The following ADAT1 variants were observed in gnomAD, a reference collection of about 807,000 sequenced individuals.
ADAT1 encodes adenosine deaminase tRNA specific 1.
ADAT1 carries 58 observed loss-of-function variants against 58.6 expected under a neutral mutation model. The ratio of observed to expected loss-of-function variants is 0.99; its 90% CI spans 0.80 to 1.23. The LOEUF is 1.23. Ranked by LOEUF, ADAT1 falls within the 50% of genes most tolerant of loss-of-function variation. ADAT1 has a pLI of 0.00. For synonymous variants in ADAT1, 254 were observed against 220.8 expected (o/e 1.15, Z -1.33); for missense variants, 741 against 608.6 (o/e 1.22, Z -2.29).
In ADAT1 at chr16:75,599,691, G is replaced by A. The variant is rs999077307; in HGVS notation, c.*525C>T. The A allele has an allele frequency of 2.4e-5, 24 of 987,250 alleles. No individual in the cohort carries two copies. Among genetic ancestry groups the A allele is most frequent in the Non-Finnish European group, 2.6e-5 (22 of 831,072 alleles). 61.2% of individuals were successfully genotyped at this position (987,250 alleles called of 1,614,324 possible). ...AGGGCAGTCCAGGGCTGGCTCACAG[G>A]CTATTCCTAGAGCCAGGGAGTAAGG... On this transcript the variant is annotated 3_prime_UTR_variant, in exon 10 of 10. Coordinates refer to ENST00000564657, the MANE Select transcript of ADAT1 (RefSeq NM_001324445.2).
Position 75,597,105 on chromosome 16 carries a change from T to A in ADAT1, c.*3111A>T, listed in dbSNP as rs1247585862. ...AAGTGACTGCTAATGGGTTCTGCAA[T>A]GGGTTGAGTGGTGTCCCCCAAAACT... On this transcript the variant is annotated 3_prime_UTR_variant, in exon 10 of 10. Coordinates refer to ENST00000564657, the MANE Select transcript of ADAT1 (RefSeq NM_001324445.2). The A allele has an allele frequency of 5.7e-6, 1 of 176,304 alleles. No individual in the cohort carries two copies. Among genetic ancestry groups the A allele is most frequent in the African/African-American group, 2.4e-5 (1 of 42,102 alleles). 10.9% of individuals were successfully genotyped at this position (176,304 alleles called of 1,614,324 possible).
rs2081823693 is a variant in ADAT1 at position 75,618,592 on chromosome 16, A to C, written c.287T>G (p.Phe96Cys). The C allele has an allele frequency of 1.2e-6, 2 of 1,604,656 alleles. No homozygotes were observed. Residue 96 changes from phenylalanine (F) to cysteine (C), a missense_variant, in exon 4 of 10, where the codon TTC (phenylalanine) becomes TGC (cysteine). By Grantham distance (205) the Phe-to-Cys change is radical. Coordinates refer to ENST00000564657, the MANE Select transcript of ADAT1 (RefSeq NM_001324445.2). The part of the protein sequence containing the change: ...SHAEVIARRS[F>C]QRYLLHQLQL... The stretch of plus-strand genomic sequence containing the variant: ...TCTGGAGATGTGGCTTTACCTTTGG[A>C]AACTCCTTCTGGCTATGACCTCAGC...
At position 75,620,611 on chromosome 16, in the gene ADAT1, C is replaced by G; in HGVS notation, c.169+20G>C. The G allele has an allele frequency of 6.2e-7, 1 of 1,610,780 alleles. No homozygotes were observed. Among genetic ancestry groups the G allele is most frequent in the Non-Finnish European group, 8.5e-7 (1 of 1,178,868 alleles). ...ACCATCTCTCACAGTGAGGAGCATG[C>G]CAAGAAGAAAAAGTCTCACCTTGCA... On this transcript the variant is annotated intron_variant, in intron 2 of 9. Transcript: ENST00000564657.
At position 75,600,351 on chromosome 16, in the gene ADAT1, A is replaced by G. The variant is rs2081193400; in HGVS notation, c.1377-3T>C. ...GGTAGGTATCCAGCTTCTGCACCCT[A>G]ATGCACACAGGCCACCAAATACACA... On this transcript the variant is annotated splice_region_variant and splice_polypyrimidine_tract_variant and intron_variant, in intron 9 of 9. Transcript: ENST00000564657. The G allele has an allele frequency of 6.2e-7, 1 of 1,613,244 alleles. No homozygotes were observed. The highest frequency in any genetic ancestry group is 8.5e-7 in the Non-Finnish European group (1 of 1,179,938).
At position 75,612,804 on chromosome 16, in the gene ADAT1, A is replaced by G; in HGVS notation, c.482T>C (p.Val161Ala). ...TGAGTTGTGGGCCCAATTTCTGAAG[A>G]CAGGACAGCAAGGCTGATCTTCAAA... ...LEFEDQPCCPVFRNWAHNSSV... is the reference protein window; with the variant it reads ...LEFEDQPCCPAFRNWAHNSSV... Residue 161 changes from valine to alanine, a missense_variant, in exon 6 of 10, where the codon GTC becomes GCC. Val to Ala is a moderately conservative substitution (Grantham distance 64). Transcript: ENST00000564657. 6.2e-7 allele frequency: 1 copy of G among 1,614,088 alleles called. No individual in the cohort carries two copies. The highest frequency in any genetic ancestry group is 8.5e-7 in the Non-Finnish European group (1 of 1,180,032).
Position 75,620,805 on chromosome 16 carries a change from G to C in ADAT1, c.-6C>G. The C allele has an allele frequency of 6.2e-7, 1 of 1,606,634 alleles. No individual in the cohort carries two copies. The highest frequency in any genetic ancestry group is 8.5e-7 in the Non-Finnish European group (1 of 1,174,262). ...ATCTCATCCGCGGTCCACATGGTCTGAGCTGGTATTGAGACCTTGATCAAA... is the reference window on the plus strand; with the variant it reads ...ATCTCATCCGCGGTCCACATGGTCTCAGCTGGTATTGAGACCTTGATCAAA... On this transcript the variant is annotated 5_prime_UTR_variant, in exon 2 of 10. It introduces an in-frame stop codon into an upstream open reading frame of the 5' UTR. Coordinates refer to ENST00000564657, the MANE Select transcript of ADAT1 (RefSeq NM_001324445.2).
In ADAT1 at chr16:75,608,996, C is replaced by A. The variant is rs199985910; in HGVS notation, c.1044-8G>T. 6.8e-5 allele frequency: 110 copies of A among 1,613,998 alleles called. No individual in the cohort carries two copies. In the East Asian group the frequency reaches 2.3e-3, roughly 34 times the overall value. On this transcript the variant is annotated splice_region_variant and splice_polypyrimidine_tract_variant and intron_variant, in intron 6 of 9. Transcript: ENST00000564657. ...GCAGACACATTCTGACACCTAAATA[C>A]AAGGGAAAATGCATTCAGTTTAGGT...
At position 75,612,298 on chromosome 16, in the gene ADAT1, C is replaced by T; in HGVS notation, c.988G>A (p.Val330Ile). The T allele has an allele frequency of 6.2e-7, 1 of 1,614,168 alleles. No homozygotes were observed. Among genetic ancestry groups the T allele is most frequent in the Admixed American group, 1.7e-5 (1 of 60,008 alleles). The change falls in exon 6 of 10, where the codon GTC becomes ATC. Residue 330 changes from valine to isoleucine, a missense_variant. Physicochemically the swap from Val to Ile is conservative, Grantham distance 29 (BLOSUM62 3). Coordinates refer to ENST00000564657, the MANE Select transcript of ADAT1 (RefSeq NM_001324445.2). The stretch of plus-strand genomic sequence containing the variant: ...TGGCTGTATGGGCACTTCCCAATGA[C>T]CACAGCTGACAGGTAGATGGGCTCT... ...LEEPIYLSAV[V>I]IGKCPYSQEA...
chr16:75,620,449 G>A, intron 2 of ADAT1, 115 bp from the exon 3 acceptor site: 1 of 1,431,194 alleles, frequency 7.0e-7, no homozygotes, highest in South Asian at 1.2e-5. Flanking sequence ...CTCAACCAAG[G>A]TCTGCGGTTC....
At position 75,608,842 on chromosome 16, in the gene ADAT1, C is replaced by A. The variant is rs750897040; in HGVS notation, c.1189+1G>T. 1.2e-6 allele frequency: 2 copies of A among 1,612,896 alleles called. No individual in the cohort carries two copies. The highest frequency in any genetic ancestry group is 2.7e-5 in the African/African-American group (2 of 74,848). On this transcript the variant is annotated splice_donor_variant, in intron 7 of 9. Coordinates refer to ENST00000564657, the MANE Select transcript of ADAT1 (RefSeq NM_001324445.2). LOFTEE classifies it high-confidence loss of function. ...GGGCAGGTCTAACCTGGATCTCTTA[C>A]CTGCCCCACAAGGAACAAGTCGACC...
intron 3 of ADAT1, among the ~76,000 whole-genome samples, chr16:75,619,312 T>G (rs2081851957): frequency 6.6e-6 from 1 of 151,524 alleles, no homozygotes; most frequent in Non-Finnish European, 1.5e-5. Flanking sequence ...AGCTTGAGGC[T>G]GGGAGTTTGA....
At position 75,612,880 on chromosome 16, in the gene ADAT1, C is replaced by T; in HGVS notation, c.425-19G>A. 6.2e-7 allele frequency: 1 copy of T among 1,605,050 alleles called. No individual in the cohort carries two copies. The highest frequency in any genetic ancestry group is 8.5e-7 in the Non-Finnish European group (1 of 1,175,862). On this transcript the variant is annotated intron_variant, in intron 5 of 9. Coordinates refer to ENST00000564657, the MANE Select transcript of ADAT1 (RefSeq NM_001324445.2). Reference sequence around the variant, plus strand: ...TCCCCACCTGCAGAGAATGAACCCACTTAAACAAATGGTTCTCAAGTGAGG... The same window carrying T: ...TCCCCACCTGCAGAGAATGAACCCATTTAAACAAATGGTTCTCAAGTGAGG...
intron 5 of ADAT1, among the ~76,000 whole-genome samples, chr16:75,615,162 G>T: frequency 6.7e-6 from 1 of 149,484 alleles, no homozygotes; most frequent in Non-Finnish European, 1.5e-5. Context: ...GGGAGGTGGA[G>T]ATTGCAATGA....
At chr16:75,619,582 T>C in intron 3 of ADAT1, 1 of 454,534 alleles carries the variant, frequency 2.2e-6, no homozygotes, top group South Asian at 1.6e-5. Flanking sequence ...CTAAGGAATT[T>C]TCATATTCTT....
intron 7 of ADAT1, 64 bp from the exon 8 acceptor site, chr16:75,608,387 T>G: frequency 7.3e-7 from 1 of 1,369,304 alleles, no homozygotes; most frequent in Non-Finnish European, 1.0e-6. Context: ...AGAAGTATTT[T>G]AATAAAAATA....
intron 7 of ADAT1, among the ~76,000 whole-genome samples, chr16:75,608,609 T>C (rs2081432738): frequency 6.6e-6 from 1 of 152,204 alleles, no homozygotes; most frequent in Admixed American, 6.5e-5. Context: ...ATAACCCTGA[T>C]AAATGATATT....
intron 6 of ADAT1, among the ~76,000 whole-genome samples, chr16:75,610,232 TTTTG>T (rs778576676): frequency 2.0e-5 from 3 of 152,204 alleles, no homozygotes; most frequent in African/African-American, 4.8e-5. Flanking sequence ...ACATTTGTCT[TTTTG>T]TTTATTATGA....
In ADAT1 at chr16:75,618,098, CAAAAAA is replaced by C. The variant is rs1163510620; in HGVS notation, c.293+482_293+487del. 3.5e-3 allele frequency among the ~76,000 whole-genome samples: 114 copies of C among 32,538 alleles called. 2 individuals carry two copies. Among genetic ancestry groups the C allele is most frequent in the African/African-American group, 8.0e-3 (93 of 11,598 alleles). 21.3% of individuals were successfully genotyped at this position (32,538 alleles called of 152,430 possible). On this transcript the variant is annotated intron_variant, in intron 4 of 9. Coordinates refer to ENST00000564657, the MANE Select transcript of ADAT1 (RefSeq NM_001324445.2). ...AGGTAACAGAGCAAGACCCTGTGTC[CAAAAAA>C]AAAAAAAAAAAAAAAAAAAAGAGAG... is the stretch of plus-strand genomic sequence containing the variant.
chr16:75,601,550 A>ACT (rs1372907091), intron 9 of ADAT1, among the ~76,000 whole-genome samples: 4 of 151,968 alleles, frequency 2.6e-5, no homozygotes, highest in African/African-American at 9.7e-5. Flanking sequence ...CGAGGTCAGT[A>ACT]GTTCAAGACC....
Sources: allele counts gnomAD v4.1 joint callset (sites outside exome capture counted in the v4.1 genomes callset), GRCh38; gene constraint gnomAD v4.1.1; transcripts MANE v1.5; gene names NCBI Gene and HGNC (gene_info 2026-07-23, HGNC 2026-07-21).